DSCAML1: variants seen among roughly 807,000 people sequenced by gnomAD.
DSCAML1 encodes DS cell adhesion molecule like 1, also known as cell adhesion molecule DSCAML1.
Under a neutral mutation model 200.5 loss-of-function variants are expected in DSCAML1, and 38 were observed. That is an observed-to-expected ratio of 0.19 (90% CI 0.15 to 0.25). The LOEUF (loss-of-function observed/expected upper bound fraction) is 0.25. Ranked by LOEUF, DSCAML1 falls within the 10% of genes least tolerant of loss-of-function variation. The pLI, the probability that DSCAML1 is intolerant of heterozygous loss-of-function variation, is 1.00. For synonymous variants in DSCAML1, 1,215 were observed against 1,165.0 expected (o/e 1.04, Z -0.87); for missense variants, 2,223 against 2,858.8 (o/e 0.78, Z 5.07).
chr11:117,472,631 CAG>C (rs2048708386), intron 14 of DSCAML1, among the ~76,000 whole-genome samples: 1 of 152,166 alleles, frequency 6.6e-6, no homozygotes, highest in Non-Finnish European at 1.5e-5. Flanking sequence ...AGGATGGTTT[CAG>C]AGTCATTAGG....
intron 11 of DSCAML1, among the ~76,000 whole-genome samples, chr11:117,502,976 C>CT (rs1378088306): frequency 1.3e-5 from 2 of 152,156 alleles, no homozygotes; most frequent in Non-Finnish European, 2.9e-5. Context: ...CACTCAGGCC[C>CT]TTATAGCCAT....
At chr11:117,644,721 C>G (rs1015682820) in intron 3 of DSCAML1, among the ~76,000 whole-genome samples, 3 of 152,230 alleles carry the variant, frequency 2.0e-5, no homozygotes, top group Non-Finnish European at 4.4e-5. Flanking sequence ...GGGGACCCCC[C>G]CTCTGGCAAT....
At chr11:117,466,922 TG>T (rs1178805865) in intron 16 of DSCAML1, among the ~76,000 whole-genome samples, 1 of 152,170 alleles carries the variant, frequency 6.6e-6, no homozygotes, top group Admixed American at 6.5e-5. Context: ...GCAGCCCCTC[TG>T]GGAACTCTAA....
intron 3 of DSCAML1, among the ~76,000 whole-genome samples, chr11:117,691,178 G>T (rs915899470): frequency 6.6e-6 from 1 of 152,206 alleles, no homozygotes; most frequent in African/African-American, 2.4e-5. Context: ...CAGTGCCAAG[G>T]ATGACGTGTT....
At position 117,552,124 on chromosome 11, in the gene DSCAML1, G is replaced by T. The variant is rs552862928; in HGVS notation, c.512-19602C>A. On this transcript the variant is annotated intron_variant, in intron 3 of 32. Coordinates refer to ENST00000651296, the MANE Select transcript of DSCAML1 (RefSeq NM_020693.4). ...CAGAGCCTGCAGGTCCATCGGGGTG[G>T]GCATGCACCTGGAAGGTGTCTGACC... Among the ~76,000 whole-genome samples the T allele has an allele frequency of 1.1e-4, 17 of 151,940 alleles. 1 individual carries two copies. The highest frequency in any genetic ancestry group is 2.1e-4 in the Non-Finnish European group (14 of 67,974).
At chr11:117,501,552 G>T (rs1414495755) in intron 11 of DSCAML1, among the ~76,000 whole-genome samples, 4 of 152,174 alleles carry the variant, frequency 2.6e-5, no homozygotes, top group Admixed American at 6.5e-5. Flanking sequence ...ATTCTGGGTG[G>T]CATGAGGGCC....
At chr11:117,430,690 G>GA in intron 32 of DSCAML1, 32 bp downstream of exon 32, 1 of 1,579,958 alleles carries the variant, frequency 6.3e-7, no homozygotes, top group Non-Finnish European at 8.6e-7. Context: ...GGGGCGGGGG[G>GA]GCACTGCCTG....
At chr11:117,664,975 AG>A (rs1180769679) in intron 3 of DSCAML1, among the ~76,000 whole-genome samples, 1 of 152,158 alleles carries the variant, frequency 6.6e-6, no homozygotes, top group Non-Finnish European at 1.5e-5. Flanking sequence ...CCCCAGACCC[AG>A]CACCCTTTCT....
chr11:117,816,193 T>C (rs759782596), intron 1 of DSCAML1, among the ~76,000 whole-genome samples: 14 of 152,222 alleles, frequency 9.2e-5, no homozygotes, highest in African/African-American at 1.2e-4. Context: ...GAGGGGGCAC[T>C]GAGTCTGGGC....
Position 117,431,722 on chromosome 11 carries a change from A to T in DSCAML1, c.5186T>A (p.Val1729Glu). 1 of 1,575,852 alleles carries T rather than the reference A, an allele frequency of 6.3e-7. No individual in the cohort carries two copies. Among genetic ancestry groups the T allele is most frequent in the Non-Finnish European group, 8.6e-7 (1 of 1,157,738 alleles). Residue 1729 changes from valine to glutamate, a missense_variant, in exon 31 of 33, where the codon GTG becomes GAG. Val to Glu is a moderately radical substitution (Grantham distance 121). Coordinates refer to ENST00000651296, the MANE Select transcript of DSCAML1 (RefSeq NM_020693.4). Reference protein sequence around the residue: ...MSDIRPGTNPVSRKNVKSAHS... With the variant: ...MSDIRPGTNPESRKNVKSAHS... ...GGCTGACTTCACATTCTTCCTGGAC[A>T]CTGGATCTGCACAGACAGAAGCAAG...
chr11:117,700,875 G>T (rs1244988973), intron 3 of DSCAML1, among the ~76,000 whole-genome samples: 1 of 152,250 alleles, frequency 6.6e-6, no homozygotes, highest in African/African-American at 2.4e-5. Context: ...CAGAGATGGA[G>T]CCAGTCAGGG....
intron 3 of DSCAML1, among the ~76,000 whole-genome samples, chr11:117,687,426 ATT>A (rs71037492): frequency 6.1e-5 from 6 of 97,680 alleles, no homozygotes; most frequent in Non-Finnish European, 9.7e-5. Flanking sequence ...ATGCCTGGCT[ATT>A]TTTTTTTTTT....
chr11:117,512,191 A>G (rs2049635299), intron 8 of DSCAML1, among the ~76,000 whole-genome samples: 1 of 151,774 alleles, frequency 6.6e-6, no homozygotes, highest in Non-Finnish European at 1.5e-5. Context: ...GCCCTTTTCT[A>G]CTTTCTAGCT....
Position 117,437,093 on chromosome 11 carries a change from G to A in DSCAML1, c.4720+29C>T, listed in dbSNP as rs775109490. The A allele has an allele frequency of 7.5e-6, 12 of 1,600,366 alleles. No individual in the cohort carries two copies. In the East Asian group the frequency reaches 2.0e-4, roughly 27 times the overall value. ...TTCGCACCACCCTGCTCCAGCCTCT[G>A]TACCATCCCTTCCACCCTTGCGACT... On this transcript the variant is annotated intron_variant, in intron 26 of 32. Coordinates refer to ENST00000651296, the MANE Select transcript of DSCAML1 (RefSeq NM_020693.4). This position sits in a 1 kb window ranked among gnomAD's most constrained non-coding sequence, Gnocchi z 5.3.
chr11:117,796,414 G>A (rs556428103), intron 1 of DSCAML1, among the ~76,000 whole-genome samples: 3 of 152,236 alleles, frequency 2.0e-5, no homozygotes, highest in Middle Eastern at 3.2e-3. Flanking sequence ...GGGTAGGGCC[G>A]GGGGAGGGTG....
intron 3 of DSCAML1, among the ~76,000 whole-genome samples, chr11:117,604,442 C>T (rs79966097): frequency 0.015 from 2,218 of 152,216 alleles, 19 homozygotes; most frequent in Non-Finnish European, 0.023. Flanking sequence ...CCCTCTCCAC[C>T]GAGGCCTGTG....
chr11:117,484,147 G>A (rs1324958797), intron 11 of DSCAML1, among the ~76,000 whole-genome samples: 1 of 151,822 alleles, frequency 6.6e-6, no homozygotes, highest in Non-Finnish European at 1.5e-5. Flanking sequence ...AGTTTTAAAG[G>A]CCTGCTCAGG....
chr11:117,498,353 C>G lies in DSCAML1; in HGVS notation c.2359+5492G>C, dbSNP rs532939543. Among the ~76,000 whole-genome samples the G allele has an allele frequency of 6.6e-6, 1 of 152,342 alleles. No homozygotes were observed. Among genetic ancestry groups the G allele is most frequent in the East Asian group, 1.9e-4 (1 of 5,182 alleles). ...TCAGCTCTAGGGGTCACGGCGGTGG[C>G]AGGGCCCATCCGTGGGAGGACAGTC... On this transcript the variant is annotated intron_variant, in intron 11 of 32. Coordinates refer to ENST00000651296, the MANE Select transcript of DSCAML1 (RefSeq NM_020693.4). This position sits in a 1 kb window ranked among gnomAD's most constrained non-coding sequence, Gnocchi z 4.0.
intron 19 of DSCAML1, among the ~76,000 whole-genome samples, chr11:117,456,512 C>T (rs771628714): frequency 6.6e-6 from 1 of 152,098 alleles, no homozygotes; most frequent in Non-Finnish European, 1.5e-5. Context: ...TCAGTTTTCT[C>T]CCCTGTAACA....
Sources: gnomAD v4.1 joint callset for allele counts (sites outside exome capture counted in the v4.1 genomes callset) on GRCh38, gnomAD v4.1.1 for gene constraint, Gnocchi (gnomAD v3.1) non-coding constraint, MANE v1.5 for transcripts, NCBI Gene and HGNC (gene_info 2026-07-23, HGNC 2026-07-21) for gene names.